The following POF1B variants were observed in gnomAD, a reference collection of about 807,000 sequenced individuals.
POF1B encodes the protein POF1B actin binding protein.
In POF1B, 53 loss-of-function variants were observed where a neutral mutation model predicts 55.3. The ratio of observed to expected loss-of-function variants is 0.96; its 90% CI spans 0.77 to 1.20. POF1B has a LOEUF of 1.20. POF1B is among the 50% of genes most tolerant of loss of function. POF1B has a pLI of 0.00. For synonymous variants in POF1B, 188 were observed against 148.3 expected, an observed-to-expected ratio of 1.27 and a Z score of -1.95; for missense variants, 478 against 420.5, an observed-to-expected ratio of 1.14 and a Z score of -1.20.
At chrX:85,327,564 T>G (rs1446106660) in intron 7 of POF1B, among the ~76,000 whole-genome samples, 1 of 111,985 alleles carries the variant, frequency 8.9e-6, no homozygotes, top group Admixed American at 9.5e-5. Flanking sequence ...GTATTTCCTG[T>G]GTTGCCCAAA....
At chrX:85,370,849 C>A (rs1933808129) in intron 2 of POF1B, among the ~76,000 whole-genome samples, 1 of 111,976 alleles carries the variant, frequency 8.9e-6, no homozygotes, top group South Asian at 3.7e-4. Flanking sequence ...GAATAACAAT[C>A]CAAATCTCCC....
intron 6 of POF1B, 28 bp from the exon 7 acceptor site, chrX:85,331,107 A>G: frequency 1.7e-6 from 2 of 1,175,980 alleles, no homozygotes; most frequent in Non-Finnish European, 2.3e-6. Context: ...CACAATTGTA[A>G]GCAATATTAA....
chrX:85,361,563 G>T (rs1049548254), intron 3 of POF1B, among the ~76,000 whole-genome samples: 2 of 111,075 alleles, frequency 1.8e-5, no homozygotes, highest in African/African-American at 6.6e-5. Flanking sequence ...TGTTCCCTTG[G>T]TCTATGTGTC....
intron 2 of POF1B, among the ~76,000 whole-genome samples, chrX:85,373,865 A>T (rs1051227493): frequency 9.0e-6 from 1 of 111,280 alleles, no homozygotes; most frequent in East Asian, 2.8e-4. Flanking sequence ...AGCAGTTCAG[A>T]TGTAAGAGCA....
rs149032678 is a variant in POF1B at position 85,375,080 on chromosome X, A to G, written c.282+4093T>C. Among the ~76,000 whole-genome samples the G allele has an allele frequency of 9.5e-3, 1,056 of 111,350 alleles. 17 individuals carry two copies. Among genetic ancestry groups the G allele is most frequent in the African/African-American group, 0.033 (1,003 of 30,667 alleles). The stretch of plus-strand genomic sequence containing the variant: ...TCTTTCTCTTCTTTTTCTGAAGAAA[A>G]CTAGGAGACAGAGAGAAAATAAAAT... On this transcript the variant is annotated intron_variant, in intron 2 of 16. Transcript: ENST00000262753.
At position 85,344,789 on chromosome X, in the gene POF1B, A is replaced by T. The variant is rs763071513; in HGVS notation, c.723+1071T>A. On this transcript the variant is annotated intron_variant, in intron 6 of 16. Coordinates refer to ENST00000262753, the MANE Select transcript of POF1B (RefSeq NM_024921.4). Reference sequence around the variant, plus strand: ...GCTTTTCTTTAAAATTAGAAAATTTAAAAAAATGTAGAGATAAGGGTCTCA... The same window carrying T: ...GCTTTTCTTTAAAATTAGAAAATTTTAAAAAATGTAGAGATAAGGGTCTCA... 9.9e-5 allele frequency among the ~76,000 whole-genome samples: 11 copies of T among 111,331 alleles called. No homozygotes were observed. The South Asian group carries it at 2.2e-3, about 23-fold the overall frequency.
intron 6 of POF1B, among the ~76,000 whole-genome samples, chrX:85,332,733 T>A (rs930826335): frequency 9.0e-6 from 1 of 111,310 alleles, no homozygotes; most frequent in African/African-American, 3.3e-5. Context: ...AAAATATTGG[T>A]CAGTTAAAAA....
At chrX:85,364,345 C>T (rs1340259292) in intron 3 of POF1B, among the ~76,000 whole-genome samples, 1 of 111,685 alleles carries the variant, frequency 9.0e-6, no homozygotes, top group Admixed American at 9.5e-5. Context: ...TATAATGTAA[C>T]TGATCTGTGC....
intron 9 of POF1B, among the ~76,000 whole-genome samples, chrX:85,308,462 T>C (rs1301321777): frequency 3.6e-5 from 4 of 111,246 alleles, no homozygotes; most frequent in Non-Finnish European, 7.5e-5. Flanking sequence ...AGTATCATCT[T>C]TGTCACAAAG....
intron 9 of POF1B, among the ~76,000 whole-genome samples, chrX:85,312,797 C>G (rs761327587): frequency 9.0e-6 from 1 of 111,708 alleles, no homozygotes; most frequent in African/African-American, 3.3e-5. Context: ...TCGATTCTTC[C>G]TATCCATAAC....
At chrX:85,297,832 C>CA (rs1932340491) in intron 15 of POF1B, among the ~76,000 whole-genome samples, 1 of 111,924 alleles carries the variant, frequency 8.9e-6, no homozygotes, top group Non-Finnish European at 1.9e-5. Context: ...AGACAGGCCT[C>CA]ACCCTTCCTG....
At chrX:85,298,054 G>C (rs1932347261) in intron 15 of POF1B, among the ~76,000 whole-genome samples, 1 of 112,339 alleles carries the variant, frequency 8.9e-6, no homozygotes, top group African/African-American at 3.2e-5. Flanking sequence ...GGCACCTGTT[G>C]TGCTAGGAGA....
intron 6 of POF1B, among the ~76,000 whole-genome samples, chrX:85,334,898 T>C (rs6653058): frequency 0.021 from 2,287 of 111,298 alleles, 53 homozygotes; most frequent in African/African-American, 0.071. Context: ...CGTTCAGTGG[T>C]AGTGATTATA....
At chrX:85,345,117 T>A (rs1933244713) in intron 6 of POF1B, among the ~76,000 whole-genome samples, 1 of 111,220 alleles carries the variant, frequency 9.0e-6, no homozygotes, top group South Asian at 3.7e-4. Context: ...TAGTAAGAGG[T>A]GCCTATGAAA....
Position 85,324,322 on chromosome X carries a change from G to A in POF1B, c.854+6627C>T, listed in dbSNP as rs745947746. ...CTAATACTCTCAGTGGAGTGTAGCA[G>A]TCTCCCACTGTTATTGTGTTGTTAT... On this transcript the variant is annotated intron_variant, in intron 7 of 16. Transcript: ENST00000262753. Among the ~76,000 whole-genome samples, 95 of 110,644 alleles carry A rather than the reference G, an allele frequency of 8.6e-4. 1 individual carries two copies. The highest frequency in any genetic ancestry group is 3.0e-3 in the African/African-American group (91 of 30,435).
At position 85,379,299 on chromosome X, in the gene POF1B, C is replaced by T. The variant is rs1387072917; in HGVS notation, c.156G>A (p.Val52=). 1.7e-6 allele frequency: 2 copies of T among 1,208,068 alleles called. No individual in the cohort carries two copies. Among genetic ancestry groups the T allele is most frequent in the African/African-American group, 3.5e-5 (2 of 56,575 alleles). ...PPEKNVVYER[V]RTYSGPMNKV... ...TGTTCATGGGCCCACTGTAGGTCCT[C>T]ACTCGCTCATACACTACATTTTTTT... Residue 52 remains valine, a synonymous_variant, in exon 2 of 17, where the codon GTG becomes GTA. Transcript: ENST00000262753.
chrX:85,305,103 T>C (rs902888723), intron 13 of POF1B, among the ~76,000 whole-genome samples: 1 of 111,346 alleles, frequency 9.0e-6, no homozygotes, highest in African/African-American at 3.2e-5. Flanking sequence ...GCTAGAAGTA[T>C]TGGTAGGTTT....
chrX:85,374,018 A>T (rs1953971806), intron 2 of POF1B, among the ~76,000 whole-genome samples: 1 of 111,563 alleles, frequency 9.0e-6, no homozygotes, highest in South Asian at 3.8e-4. Context: ...TGAAAGTCAG[A>T]CTAAGCAATT....
chrX:85,343,574 T>C (rs763911384), intron 6 of POF1B, among the ~76,000 whole-genome samples: 1 of 111,522 alleles, frequency 9.0e-6, no homozygotes, highest in East Asian at 2.8e-4. Context: ...TTTTCTCCAT[T>C]GATTTTTTCA....
Sources: allele counts gnomAD v4.1 joint callset (sites outside exome capture counted in the v4.1 genomes callset), GRCh38; gene constraint gnomAD v4.1.1; transcripts MANE v1.5; gene names NCBI Gene and HGNC (gene_info 2026-07-23, HGNC 2026-07-21).